Variants in MYLIP observed in about 807,000 individuals in gnomAD.
MYLIP encodes the protein E3 ubiquitin-protein ligase MYLIP.
A neutral mutation model predicts 45.8 loss-of-function variants in MYLIP; 26 were observed. The ratio of observed to expected loss-of-function variants is 0.57; its 90% CI spans 0.42 to 0.79. MYLIP has a LOEUF of 0.79. Among genes scored for constraint, MYLIP ranks in the 30% least tolerant of loss-of-function variants. The pLI is 0.00. For synonymous variants in MYLIP, 213 were observed against 218.1 expected (o/e 0.98, Z 0.21); for missense variants, 494 against 555.6 (o/e 0.89, Z 1.11).
chr6:16,141,742 C>T lies in MYLIP; in HGVS notation c.396C>T (p.Asn132=), dbSNP rs973008798. The stretch of plus-strand genomic sequence containing the variant: ...CCCAGACCAAGTTTGGAGACTACAA[C>T]CAGAACACTGCCAAGTATAACTATG... ...LLAQTKFGDY[N]QNTAKYNYEE... Residue 132 remains asparagine, a synonymous_variant, in exon 3 of 7, where the codon AAC becomes AAT. Transcript: ENST00000356840. 1 of 1,614,136 alleles carries T rather than the reference C, an allele frequency of 6.2e-7. No homozygotes were observed. The highest frequency in any genetic ancestry group is 8.5e-7 in the Non-Finnish European group (1 of 1,179,992).
downstream of MYLIP, among the ~76,000 whole-genome samples, chr6:16,148,483 G>C (rs967722771): frequency 6.7e-6 from 1 of 149,140 alleles, no homozygotes; most frequent in African/African-American, 2.5e-5. Flanking sequence ...AATATTTGTG[G>C]TATTGGTTCT....
intron 2 of MYLIP, among the ~76,000 whole-genome samples, chr6:16,139,845 C>T (rs958930573): frequency 6.6e-6 from 1 of 151,956 alleles, no homozygotes. Context: ...TTTCTTTACA[C>T]GGGCTTTGAA....
intron 2 of MYLIP, among the ~76,000 whole-genome samples, chr6:16,133,263 A>C (rs906411321): frequency 1.3e-5 from 2 of 152,230 alleles, no homozygotes; most frequent in African/African-American, 4.8e-5. Context: ...TCTCTTAGCA[A>C]TAACTTTTTT....
intron 2 of MYLIP, among the ~76,000 whole-genome samples, chr6:16,132,490 T>G (rs935835199): frequency 2.0e-5 from 3 of 152,240 alleles, no homozygotes; most frequent in African/African-American, 7.2e-5. Flanking sequence ...TAATTTTAAT[T>G]GATTTTAATT....
In MYLIP at chr6:16,129,440, C is replaced by A. The variant is rs998766488; in HGVS notation, c.87+31C>A. On this transcript the variant is annotated intron_variant, in intron 1 of 6. Coordinates refer to ENST00000356840, the MANE Select transcript of MYLIP (RefSeq NM_013262.4). The surrounding 1 kb of genome is among the most constrained non-coding windows in gnomAD (Gnocchi z 5.1). Reference sequence around the variant, plus strand: ...GGCGAGGGGCAAGAAGGGGCCCCGGCGGGTCCCGCGAGGCCGAGGGGCCTC... The same window carrying A: ...GGCGAGGGGCAAGAAGGGGCCCCGGAGGGTCCCGCGAGGCCGAGGGGCCTC... 2 of 1,553,690 alleles carry A rather than the reference C, an allele frequency of 1.3e-6. No individual in the cohort carries two copies. The highest frequency in any genetic ancestry group is 1.7e-6 in the Non-Finnish European group (2 of 1,149,156).
At chr6:16,148,663 TAAC>T (rs985478487), downstream of MYLIP, among the ~76,000 whole-genome samples, 128 of 152,240 alleles carry the variant, frequency 8.4e-4, 2 homozygotes, top group African/African-American at 2.8e-3. Flanking sequence ...AGTTAACAAT[TAAC>T]AACCCAGCTG....
At chr6:16,157,242 G>A in the MYLIP span, among the ~76,000 whole-genome samples, 1 of 152,184 alleles carries the variant, frequency 6.6e-6, no homozygotes, top group African/African-American at 2.4e-5. Context: ...TTCTTCAGGG[G>A]CCAGCTTAAA....
intron 5 of MYLIP, among the ~76,000 whole-genome samples, chr6:16,144,471 A>C (rs904710272): frequency 4.6e-5 from 7 of 152,250 alleles, no homozygotes; most frequent in African/African-American, 1.7e-4. Context: ...TATTTGGACA[A>C]TTAAAGCTAA....
downstream of MYLIP, among the ~76,000 whole-genome samples, chr6:16,151,920 G>A (rs376522867): frequency 1.2e-4 from 19 of 152,284 alleles, no homozygotes; most frequent in South Asian, 3.9e-3. Flanking sequence ...TTGAGAAGAA[G>A]GTATCTATAT....
chr6:16,145,397 C>T, intron 6 of MYLIP, 80 bp downstream of exon 6: 1 of 1,463,066 alleles, frequency 6.8e-7, no homozygotes, highest in Non-Finnish European at 9.2e-7. Context: ...CAGGTACTGG[C>T]TCGCTAATGC....
At chr6:16,137,499 A>C (rs1435879928) in intron 2 of MYLIP, among the ~76,000 whole-genome samples, 1 of 152,230 alleles carries the variant, frequency 6.6e-6, no homozygotes, top group Non-Finnish European at 1.5e-5. Flanking sequence ...TAGTTCTTAA[A>C]TTTTGAGTTC....
At chr6:16,141,146 C>G (rs1159309439) in intron 2 of MYLIP, among the ~76,000 whole-genome samples, 2 of 152,014 alleles carry the variant, frequency 1.3e-5, no homozygotes, top group African/African-American at 4.8e-5. Flanking sequence ...GGTGGTGAAG[C>G]CTATAGGAGA....
At position 16,146,678 on chromosome 6, in the gene MYLIP, G is replaced by C; in HGVS notation, c.1265G>C (p.Arg422Thr). Residue 422 changes from arginine to threonine, a missense_variant, in exon 7 of 7, where the codon AGG becomes ACG. Coordinates refer to ENST00000356840, the MANE Select transcript of MYLIP (RefSeq NM_013262.4). ...CTTTCCCAGTCATGTCCCGTCTGCA[G>C]GTCGCGTGTGGAGCATGTCCAGCAC... ...AAQLQSCPVC[R>T]SRVEHVQHVY... 6.2e-7 allele frequency: 1 copy of C among 1,610,860 alleles called. No individual in the cohort carries two copies. Among genetic ancestry groups the C allele is most frequent in the Non-Finnish European group, 8.5e-7 (1 of 1,178,212 alleles).
intron 2 of MYLIP, among the ~76,000 whole-genome samples, chr6:16,139,907 T>C (rs1759631823): frequency 6.6e-6 from 1 of 152,252 alleles, no homozygotes; most frequent in Non-Finnish European, 1.5e-5. Flanking sequence ...TAAATATTTC[T>C]TTATCATTAT....
the MYLIP span, among the ~76,000 whole-genome samples, chr6:16,156,516 G>A: frequency 6.6e-6 from 1 of 152,216 alleles, no homozygotes. Flanking sequence ...AGAGAAGGAA[G>A]ACACAAGCTG....
chr6:16,142,071 G>C (rs188188714), intron 3 of MYLIP, among the ~76,000 whole-genome samples: 1 of 152,318 alleles, frequency 6.6e-6, no homozygotes, highest in Non-Finnish European at 1.5e-5. Context: ...TCAGGACAGA[G>C]GGAGCAGCAA....
At chr6:16,151,886 T>C (rs1262505813), downstream of MYLIP, among the ~76,000 whole-genome samples, 2 of 152,256 alleles carry the variant, frequency 1.3e-5, no homozygotes, top group East Asian at 3.8e-4. Context: ...AGCTCTTTTT[T>C]CTATCAAGGA....
the MYLIP span, among the ~76,000 whole-genome samples, chr6:16,156,938 C>T: frequency 6.0e-4 from 92 of 152,326 alleles, no homozygotes; most frequent in Admixed American, 2.0e-3. Flanking sequence ...CAGGGCACTC[C>T]CTGTGCAAAA....
intron 3 of MYLIP, among the ~76,000 whole-genome samples, chr6:16,142,011 T>C (rs1759684112): frequency 6.6e-6 from 1 of 152,232 alleles, no homozygotes; most frequent in Admixed American, 6.5e-5. Context: ...AGGATTTGCA[T>C]GTGATACAGA....
Sources: allele counts gnomAD v4.1 joint callset (sites outside exome capture counted in the v4.1 genomes callset), GRCh38; gene constraint gnomAD v4.1.1; non-coding constraint Gnocchi (gnomAD v3.1); transcripts MANE v1.5; gene names NCBI Gene and HGNC (gene_info 2026-07-23, HGNC 2026-07-21).